CCSER1: variants seen among roughly 807,000 people sequenced by gnomAD.
CCSER1 encodes coiled-coil serine rich protein 1.
In CCSER1, 41 loss-of-function variants were observed where a neutral mutation model predicts 82.0. The observed-to-expected ratio is 0.50, with a 90% confidence interval of 0.39 to 0.65. The LOEUF is 0.65. Among genes scored for constraint, CCSER1 ranks in the 30% least tolerant of loss-of-function variants. The pLI is 0.00. For missense variants in CCSER1, 1,119 were observed against 1,064.2 expected (o/e 1.05, Z -0.72); for synonymous variants, 414 against 383.9 (o/e 1.08, Z -0.92).
At chr4:90,166,545 T>A (rs1460653445) in intron 1 of CCSER1, among the ~76,000 whole-genome samples, 1 of 151,994 alleles carries the variant, frequency 6.6e-6, no homozygotes, top group Non-Finnish European at 1.5e-5. Context: ...AAGGGGAGAA[T>A]AATTATCAGA....
chr4:90,858,436 A>C (rs1764705582), intron 8 of CCSER1, among the ~76,000 whole-genome samples: 1 of 151,930 alleles, frequency 6.6e-6, no homozygotes, highest in Non-Finnish European at 1.5e-5. Flanking sequence ...CACACATAGA[A>C]CCTTCAACCT....
chr4:90,504,267 C>T (rs907990999), intron 5 of CCSER1, among the ~76,000 whole-genome samples: 1 of 152,076 alleles, frequency 6.6e-6, no homozygotes, highest in Non-Finnish European at 1.5e-5. Context: ...TTGGACTTAA[C>T]TTATGAATGG....
Position 90,155,858 on chromosome 4 carries a change from G to A in CCSER1, c.-42+28027G>A, listed in dbSNP as rs544462534. On this transcript the variant is annotated intron_variant, in intron 1 of 10. Transcript: ENST00000509176. ...TCATTAATTTTTTGAAGGGTTTTTT[G>A]TGTCTCTATTTCCTTCAGTTCTGCT... Among the ~76,000 whole-genome samples the A allele has an allele frequency of 8.6e-5, 13 of 151,184 alleles. No individual in the cohort carries two copies. The South Asian group carries it at 2.5e-3, about 29-fold the overall frequency.
intron 10 of CCSER1, among the ~76,000 whole-genome samples, chr4:91,590,267 C>G (rs926588810): frequency 6.6e-6 from 1 of 151,926 alleles, no homozygotes; most frequent in Non-Finnish European, 1.5e-5. Flanking sequence ...GTGCACCATT[C>G]CACACCTCTT....
At chr4:90,752,187 T>G (rs13139797) in intron 7 of CCSER1, among the ~76,000 whole-genome samples, 2 of 152,112 alleles carry the variant, frequency 1.3e-5, no homozygotes, top group East Asian at 3.9e-4. Flanking sequence ...TCATTTCCTA[T>G]GAGGAGAAAC....
At chr4:91,062,690 C>T (rs2148741326) in intron 9 of CCSER1, among the ~76,000 whole-genome samples, 1 of 152,176 alleles carries the variant, frequency 6.6e-6, no homozygotes, top group South Asian at 2.1e-4. Context: ...AAGCTCTTTT[C>T]TGCCATTTGT....
chr4:91,377,200 C>T (rs1282823650), intron 10 of CCSER1, among the ~76,000 whole-genome samples: 1 of 152,102 alleles, frequency 6.6e-6, no homozygotes, highest in Non-Finnish European at 1.5e-5. Flanking sequence ...AATAGTGCCG[C>T]AATAAACATA....
intron 10 of CCSER1, among the ~76,000 whole-genome samples, chr4:91,369,660 GCTT>G (rs1487526132): frequency 6.6e-4 from 80 of 121,364 alleles, no homozygotes; most frequent in African/African-American, 2.2e-3. Context: ...TTAATCTGTA[GCTT>G]TTTTTTTTTT....
At chr4:91,557,870 T>C (rs1762475471) in intron 10 of CCSER1, among the ~76,000 whole-genome samples, 2 of 151,362 alleles carry the variant, frequency 1.3e-5, no homozygotes, top group South Asian at 4.1e-4. Context: ...GATTTCATAT[T>C]TGTATCAATG....
At chr4:91,278,109 G>A (rs964103236) in intron 10 of CCSER1, among the ~76,000 whole-genome samples, 2 of 151,878 alleles carry the variant, frequency 1.3e-5, no homozygotes, top group African/African-American at 4.8e-5. Flanking sequence ...ATATGGCCTG[G>A]AGAATGTTCC....
At chr4:90,864,371 C>T (rs1306581539) in intron 8 of CCSER1, among the ~76,000 whole-genome samples, 1 of 151,976 alleles carries the variant, frequency 6.6e-6, no homozygotes, top group Non-Finnish European at 1.5e-5. Flanking sequence ...CAGGTGGGAC[C>T]TCTAAGAGGT....
chr4:90,414,434 TGTG>T (rs2153557539), intron 4 of CCSER1, among the ~76,000 whole-genome samples: 1 of 152,156 alleles, frequency 6.6e-6, no homozygotes, highest in South Asian at 2.1e-4. Flanking sequence ...TCTATTTTCT[TGTG>T]GTAAAATATT....
chr4:90,875,315 T>A (rs1466491190), intron 8 of CCSER1, among the ~76,000 whole-genome samples: 1 of 152,156 alleles, frequency 6.6e-6, no homozygotes, highest in Non-Finnish European at 1.5e-5. Context: ...TTTGATAAAC[T>A]GAGTTGAGCC....
At chr4:90,344,806 G>C (rs906978664) in intron 3 of CCSER1, among the ~76,000 whole-genome samples, 1 of 152,078 alleles carries the variant, frequency 6.6e-6, no homozygotes, top group African/African-American at 2.4e-5. Context: ...TGTGTGAATT[G>C]TCTAATAGAT....
At chr4:90,431,004 A>G (rs988669977) in intron 4 of CCSER1, among the ~76,000 whole-genome samples, 2 of 152,010 alleles carry the variant, frequency 1.3e-5, no homozygotes, top group Non-Finnish European at 2.9e-5. Context: ...TTTAAAAGGT[A>G]AATGGATGGC....
In CCSER1 at chr4:91,446,579, TTGTG is replaced by T. The variant is rs10607137; in HGVS notation, c.2218-151976_2218-151973del. Among the ~76,000 whole-genome samples, 1,400 of 146,652 alleles carry T rather than the reference TTGTG, an allele frequency of 9.5e-3. 23 individuals carry two copies. The highest frequency in any genetic ancestry group is 0.032 in the African/African-American group (1,306 of 40,202). On this transcript the variant is annotated intron_variant, in intron 10 of 10. Transcript: ENST00000509176. ...ATTCTGCTATTTTTCTTTCTATTCT[TTGTG>T]TGTGTGTGTGTGTGTGCATCTTTGT...
At chr4:91,349,465 CAT>C (rs1748318753) in intron 10 of CCSER1, among the ~76,000 whole-genome samples, 1 of 152,102 alleles carries the variant, frequency 6.6e-6, no homozygotes, top group Non-Finnish European at 1.5e-5. Context: ...TAAAGTCTTA[CAT>C]TAGGCCTCCT....
At chr4:90,816,445 T>A (rs911767267) in intron 8 of CCSER1, among the ~76,000 whole-genome samples, 1 of 152,092 alleles carries the variant, frequency 6.6e-6, no homozygotes, top group Non-Finnish European at 1.5e-5. Context: ...ATACATTTGG[T>A]AGATAGCAGA....
At chr4:90,326,055 CTTTTTTTTT>C (rs371592827) in intron 3 of CCSER1, among the ~76,000 whole-genome samples, 34 of 111,594 alleles carry the variant, frequency 3.0e-4, no homozygotes, top group African/African-American at 1.1e-3. Context: ...TATGTGATAC[CTTTTTTTTT>C]TTTTTTTTTT....
Sources: allele counts gnomAD v4.1 joint callset (sites outside exome capture counted in the v4.1 genomes callset), GRCh38; gene constraint gnomAD v4.1.1; transcripts MANE v1.5; gene names NCBI Gene and HGNC (gene_info 2026-07-23, HGNC 2026-07-21).